SUPT3H: variants seen among roughly 807,000 people sequenced by gnomAD.
SUPT3H encodes transcription initiation protein SPT3 homolog.
SUPT3H carries 44 observed loss-of-function variants against 44.3 expected under a neutral mutation model. That is an observed-to-expected ratio of 0.99 (90% CI 0.78 to 1.28). SUPT3H has a LOEUF of 1.28. SUPT3H is among the 50% of genes most tolerant of loss of function. The probability of loss-of-function intolerance (pLI) is 0.00; values close to 1 mark genes in which losing one functional copy is unlikely to be tolerated. For synonymous variants in SUPT3H, 124 were observed against 125.6 expected (o/e 0.99, Z 0.09); for missense variants, 380 against 387.1 (o/e 0.98, Z 0.15).
intron 2 of SUPT3H, among the ~76,000 whole-genome samples, chr6:45,237,283 A>G (rs371009468): frequency 6.6e-6 from 1 of 152,208 alleles, no homozygotes; most frequent in Non-Finnish European, 1.5e-5. Flanking sequence ...CACGTAGTCA[A>G]TTCAACCCAC....
chr6:44,920,484 C>T (rs1380697521), intron 10 of SUPT3H, among the ~76,000 whole-genome samples: 1 of 150,752 alleles, frequency 6.6e-6, no homozygotes, highest in Non-Finnish European at 1.5e-5. Context: ...ATCACTTGAG[C>T]CTGGGAGATG....
chr6:45,288,999 T>C (rs1187443932), intron 2 of SUPT3H, among the ~76,000 whole-genome samples: 1 of 152,102 alleles, frequency 6.6e-6, no homozygotes, highest in East Asian at 1.9e-4. Flanking sequence ...ATAGGATCCA[T>C]AGGAGCTATT....
In SUPT3H at chr6:45,173,166, T is replaced by C. The variant is rs72870930; in HGVS notation, c.102-67160A>G. ...AAAAAAAACACTGTTTTAATATCTATCACCAAAATAAGAATGTTAATTCTT... is the reference window on the plus strand; with the variant it reads ...AAAAAAAACACTGTTTTAATATCTACCACCAAAATAAGAATGTTAATTCTT... On this transcript the variant is annotated intron_variant, in intron 2 of 10. Coordinates refer to ENST00000371459, the MANE Select transcript of SUPT3H (RefSeq NM_003599.4). 6.5e-3 allele frequency among the ~76,000 whole-genome samples: 992 copies of C among 152,278 alleles called. 5 individuals carry two copies. Among genetic ancestry groups the C allele is most frequent in the South Asian group, 0.022 (108 of 4,816 alleles).
chr6:45,336,150 C>T (rs1251145078), intron 2 of SUPT3H, among the ~76,000 whole-genome samples: 2 of 151,156 alleles, frequency 1.3e-5, no homozygotes, highest in African/African-American at 2.4e-5. Flanking sequence ...AACACATATA[C>T]ATTATTTCTC....
intron 2 of SUPT3H, among the ~76,000 whole-genome samples, chr6:45,130,712 C>CCCT (rs1358503809): frequency 2.3e-5 from 2 of 88,602 alleles, no homozygotes; most frequent in African/African-American, 5.1e-5. Context: ...AAAAAAACCA[C>CCCT]TTTTTTTTTT....
At chr6:45,088,345 G>A (rs935301993) in intron 3 of SUPT3H, among the ~76,000 whole-genome samples, 4 of 151,962 alleles carry the variant, frequency 2.6e-5, no homozygotes, top group Admixed American at 6.6e-5. Flanking sequence ...ATCTTCGAGC[G>A]CTCTTTCTGC....
rs529824589 is a variant in SUPT3H, at chr6:45,357,803, A to G, written c.101+7398T>C. 4.6e-5 allele frequency among the ~76,000 whole-genome samples: 7 copies of G among 152,328 alleles called. No individual in the cohort carries two copies. In the South Asian group the frequency reaches 1.5e-3, roughly 32 times the overall value. ...AAATGAGAACCTAAAACTCACAATGACATTACATATTCAATTACACATGCT... is the reference window on the plus strand; with the variant it reads ...AAATGAGAACCTAAAACTCACAATGGCATTACATATTCAATTACACATGCT... On this transcript the variant is annotated intron_variant, in intron 2 of 10. Coordinates refer to ENST00000371459, the MANE Select transcript of SUPT3H (RefSeq NM_003599.4).
intron 10 of SUPT3H, among the ~76,000 whole-genome samples, chr6:44,893,729 A>G (rs1336508551): frequency 6.8e-6 from 1 of 146,900 alleles, no homozygotes; most frequent in Admixed American, 6.9e-5. Context: ...TCCTTTGGGT[A>G]TATACCCAGT....
Position 45,293,857 on chromosome 6 carries a change from C to CAA in SUPT3H, c.101+71342_101+71343dup, listed in dbSNP as rs34314735. On this transcript the variant is annotated intron_variant, in intron 2 of 10. Coordinates refer to ENST00000371459, the MANE Select transcript of SUPT3H (RefSeq NM_003599.4). ...GAAATGGTAATTTAAAAATTACTAT[C>CAA]AAAAAAAAAGTCCAGGACCAGATGG... is the stretch of plus-strand genomic sequence containing the variant. Among the ~76,000 whole-genome samples the CAA allele has an allele frequency of 1.4e-3, 217 of 150,544 alleles. 1 individual carries two copies. The highest frequency in any genetic ancestry group is 5.0e-3 in the African/African-American group (204 of 41,056).
At chr6:44,939,178 A>G (rs1378325444) in intron 9 of SUPT3H, among the ~76,000 whole-genome samples, 1 of 151,952 alleles carries the variant, frequency 6.6e-6, no homozygotes, top group African/African-American at 2.4e-5. Context: ...AACTTTTTCC[A>G]CTTCAGTATG....
At position 45,084,980 on chromosome 6, in the gene SUPT3H, G is replaced by A. The variant is rs74406509; in HGVS notation, c.186+20942C>T. ...TATAGGAGGTAAGAGGGAGGGAGGGGGCCAAGGGTTTAAAACTACCTGTTG... is the reference window on the plus strand; with the variant it reads ...TATAGGAGGTAAGAGGGAGGGAGGGAGCCAAGGGTTTAAAACTACCTGTTG... On this transcript the variant is annotated intron_variant, in intron 3 of 10. Transcript: ENST00000371459. 7.4e-3 allele frequency among the ~76,000 whole-genome samples: 1,130 copies of A among 151,916 alleles called. 7 individuals carry two copies. Among genetic ancestry groups the A allele is most frequent in the Non-Finnish European group, 0.012 (813 of 67,928 alleles).
intron 9 of SUPT3H, among the ~76,000 whole-genome samples, chr6:44,937,986 T>C (rs900317022): frequency 7.1e-6 from 1 of 140,644 alleles, no homozygotes; most frequent in African/African-American, 2.6e-5. Flanking sequence ...CTCAGCTTAC[T>C]GCAACCTCCG....
chr6:44,967,272 C>T (rs529627483), intron 6 of SUPT3H, among the ~76,000 whole-genome samples: 5 of 152,156 alleles, frequency 3.3e-5, no homozygotes, highest in East Asian at 3.9e-4. Flanking sequence ...TTCTCACTAC[C>T]GGGAAGTTAC....
At chr6:45,343,430 C>T (rs754245424) in intron 2 of SUPT3H, among the ~76,000 whole-genome samples, 1 of 152,044 alleles carries the variant, frequency 6.6e-6, no homozygotes, top group Non-Finnish European at 1.5e-5. Flanking sequence ...CTGAAGGACT[C>T]GAGAGACTAA....
At chr6:45,009,200 A>T (rs1164984013) in intron 5 of SUPT3H, among the ~76,000 whole-genome samples, 2 of 151,904 alleles carry the variant, frequency 1.3e-5, no homozygotes, top group African/African-American at 4.8e-5. Flanking sequence ...TATAAGAAAA[A>T]TTTTCTTCCA....
rs1482301028 is a variant in SUPT3H at position 45,365,200 on chromosome 6, C to T, written c.101+1G>A. ...GCAATAGCATGCAGGGACATACTTACATCATACTCTGTAATTCTGTTGCAA... is the reference window on the plus strand; with the variant it reads ...GCAATAGCATGCAGGGACATACTTATATCATACTCTGTAATTCTGTTGCAA... On this transcript the variant is annotated splice_donor_variant, in intron 2 of 10. Transcript: ENST00000371459. LOFTEE classifies it high-confidence loss of function. 6.3e-7 allele frequency: 1 copy of T among 1,592,780 alleles called. No homozygotes were observed. The highest frequency in any genetic ancestry group is 8.6e-7 in the Non-Finnish European group (1 of 1,163,930).
Position 45,209,180 on chromosome 6 carries a change from A to G in SUPT3H, c.102-103174T>C, listed in dbSNP as rs150545069. Among the ~76,000 whole-genome samples the G allele has an allele frequency of 3.3e-3, 505 of 152,276 alleles. 5 individuals are homozygous for G. The highest frequency in any genetic ancestry group is 0.012 in the African/African-American group (483 of 41,544). On this transcript the variant is annotated intron_variant, in intron 2 of 10. Transcript: ENST00000371459. Reference sequence around the variant, plus strand: ...AGCTCTGGTGGAGATATACGAGGAGATGAATGTTGTTTTCATGCCTGCTAG... The same window carrying G: ...AGCTCTGGTGGAGATATACGAGGAGGTGAATGTTGTTTTCATGCCTGCTAG...
chr6:45,051,529 T>C (rs903759963), intron 3 of SUPT3H, among the ~76,000 whole-genome samples: 2 of 150,970 alleles, frequency 1.3e-5, no homozygotes, highest in African/African-American at 4.9e-5. Flanking sequence ...TATGTATGTA[T>C]ATATATTTAT....
chr6:45,207,806 C>A (rs989216545), intron 2 of SUPT3H, among the ~76,000 whole-genome samples: 3 of 152,134 alleles, frequency 2.0e-5, no homozygotes, highest in Admixed American at 6.5e-5. Context: ...TACTCTACCA[C>A]CTGGCTATTC....
Sources: gnomAD v4.1 joint callset for allele counts (sites outside exome capture counted in the v4.1 genomes callset) on GRCh38, gnomAD v4.1.1 for gene constraint, MANE v1.5 for transcripts, NCBI Gene and HGNC (gene_info 2026-07-23, HGNC 2026-07-21) for gene names.